Variants in HPSE2 observed in about 807,000 individuals in gnomAD.
HPSE2 encodes the protein heparanase 2 (inactive).
Under a neutral mutation model 60.5 loss-of-function variants are expected in HPSE2, and 38 were observed. The ratio of observed to expected loss-of-function variants is 0.63; its 90% CI spans 0.48 to 0.82. HPSE2 has a LOEUF of 0.82. Among genes scored for constraint, HPSE2 ranks in the 40% least tolerant of loss-of-function variants. The pLI is 0.00. For missense variants in HPSE2, 713 were observed against 740.4 expected (o/e 0.96, Z 0.43); for synonymous variants, 295 against 293.2 (o/e 1.01, Z -0.06).
chr10:98,676,265 C>T (rs1425378305), intron 6 of HPSE2, among the ~76,000 whole-genome samples: 1 of 152,118 alleles, frequency 6.6e-6, no homozygotes, highest in African/African-American at 2.4e-5. Flanking sequence ...CAGGGAGATA[C>T]CTGTGAACAG....
intron 3 of HPSE2, among the ~76,000 whole-genome samples, chr10:98,752,428 T>C (rs1051367988): frequency 6.6e-6 from 1 of 152,148 alleles, no homozygotes; most frequent in African/African-American, 2.4e-5. Flanking sequence ...TAGCAGAAAA[T>C]ATTAACCTAA....
chr10:99,028,861 A>C (rs1296431845), intron 3 of HPSE2, among the ~76,000 whole-genome samples: 1 of 152,170 alleles, frequency 6.6e-6, no homozygotes, highest in East Asian at 1.9e-4. Context: ...TTTTGACAAA[A>C]GTGCCAAGAA....
chr10:99,293,256 CA>C, the HPSE2 span, among the ~76,000 whole-genome samples: 1 of 152,092 alleles, frequency 6.6e-6, no homozygotes, highest in African/African-American at 2.4e-5. Context: ...TAAGTTGATT[CA>C]AAAAGTAGTG....
chr10:99,002,741 G>C (rs1956804150), intron 3 of HPSE2, among the ~76,000 whole-genome samples: 1 of 151,586 alleles, frequency 6.6e-6, no homozygotes, highest in South Asian at 2.1e-4. Flanking sequence ...AATTTTTTCA[G>C]ATCAAAAAGT....
At chr10:98,523,052 A>G (rs1942849479) in intron 9 of HPSE2, among the ~76,000 whole-genome samples, 1 of 152,224 alleles carries the variant, frequency 6.6e-6, no homozygotes, top group Non-Finnish European at 1.5e-5. Context: ...GACCAGGGAC[A>G]ACAAGCAGTT....
At chr10:98,521,997 G>T (rs1330902767) in intron 9 of HPSE2, among the ~76,000 whole-genome samples, 1 of 152,064 alleles carries the variant, frequency 6.6e-6, no homozygotes, top group Non-Finnish European at 1.5e-5. Context: ...GTGTGGGGCT[G>T]GGGGAGGGAA....
intron 3 of HPSE2, among the ~76,000 whole-genome samples, chr10:98,939,855 A>C (rs1954935578): frequency 6.9e-6 from 1 of 144,004 alleles, no homozygotes; most frequent in East Asian, 2.0e-4. Context: ...CAGCAAATGT[A>C]AAAGAACAGA....
Position 98,482,767 on chromosome 10 carries a change from A to G in HPSE2, c.1482T>C (p.Arg494=), listed in dbSNP as rs369149907. ...TGATGATAAAAAGTGTAATGGACCC[A>G]CGAACGTAGTTGTGGCTGAGATCCA... ...CTNHHNHNYV[R]GSITLFIINL... The change falls in exon 11 of 12, where the codon CGT becomes CGC. Residue 494 remains arginine, a synonymous_variant. Transcript: ENST00000370552. 7.8e-5 allele frequency: 126 copies of G among 1,614,210 alleles called. No individual in the cohort carries two copies. Among genetic ancestry groups the G allele is most frequent in the Non-Finnish European group, 1.0e-4 (119 of 1,180,032 alleles).
intron 5 of HPSE2, among the ~76,000 whole-genome samples, chr10:98,706,382 T>G (rs902528727): frequency 6.6e-6 from 1 of 152,180 alleles, no homozygotes; most frequent in African/African-American, 2.4e-5. Flanking sequence ...CAATGCTTAT[T>G]GTAAGACAAT....
intron 5 of HPSE2, among the ~76,000 whole-genome samples, chr10:98,703,162 A>G (rs1365391098): frequency 3.3e-5 from 5 of 152,228 alleles, no homozygotes; most frequent in Non-Finnish European, 1.5e-5. Context: ...AAACACCTCT[A>G]CACAAACAAA....
intron 3 of HPSE2, among the ~76,000 whole-genome samples, chr10:98,940,258 C>T (rs541336636): frequency 7.0e-6 from 1 of 143,442 alleles, no homozygotes; most frequent in East Asian, 2.0e-4. Flanking sequence ...GAAATAGAGA[C>T]ACAAAAAACC....
intron 6 of HPSE2, among the ~76,000 whole-genome samples, chr10:98,648,130 G>T (rs575733): frequency 0.85 from 129,676 of 152,162 alleles, 57,393 homozygotes; most frequent in South Asian, 0.98. Flanking sequence ...TCCATTTTCT[G>T]CATCTTCTTG....
chr10:99,058,436 C>T (rs906204961), intron 3 of HPSE2, among the ~76,000 whole-genome samples: 10 of 152,190 alleles, frequency 6.6e-5, no homozygotes, highest in South Asian at 2.1e-4. Context: ...CTAAACGTTT[C>T]CTGTACCAAG....
intron 7 of HPSE2, among the ~76,000 whole-genome samples, chr10:98,625,857 C>CT (rs1946193359): frequency 6.6e-6 from 1 of 152,130 alleles, no homozygotes. Flanking sequence ...AATCCCAGCA[C>CT]TTTGGGAGGC....
chr10:98,712,952 T>C (rs1948709324), intron 5 of HPSE2, among the ~76,000 whole-genome samples: 1 of 152,124 alleles, frequency 6.6e-6, no homozygotes, highest in Non-Finnish European at 1.5e-5. Context: ...TTATAATCTA[T>C]AAAGGACAAG....
At chr10:99,052,093 C>G (rs7097660) in intron 3 of HPSE2, among the ~76,000 whole-genome samples, 108,394 of 151,628 alleles carry the variant, frequency 0.71, 39,213 homozygotes, top group South Asian at 0.84. Context: ...GCAGTCAATA[C>G]AAAGAAACCC....
At chr10:98,857,967 C>T (rs989413730) in intron 3 of HPSE2, among the ~76,000 whole-genome samples, 1 of 152,044 alleles carries the variant, frequency 6.6e-6, no homozygotes, top group African/African-American at 2.4e-5. Context: ...TAAAGGAAAA[C>T]CACTGGTCTT....
intron 3 of HPSE2, among the ~76,000 whole-genome samples, chr10:99,100,036 T>C (rs1843887837): frequency 6.6e-6 from 1 of 152,002 alleles, no homozygotes; most frequent in South Asian, 2.1e-4. Context: ...ACCACAAAGA[T>C]GGGGAAAAAA....
At chr10:98,633,152 T>C (rs566369491) in intron 7 of HPSE2, among the ~76,000 whole-genome samples, 136 of 152,284 alleles carry the variant, frequency 8.9e-4, no homozygotes, top group Non-Finnish European at 1.7e-3. Context: ...ACTTAATAAA[T>C]AGTAAATATA....
Sources: gnomAD v4.1 joint callset for allele counts (sites outside exome capture counted in the v4.1 genomes callset) on GRCh38, gnomAD v4.1.1 for gene constraint, MANE v1.5 for transcripts, NCBI Gene and HGNC (gene_info 2026-07-23, HGNC 2026-07-21) for gene names.